The following SUPT20H variants were observed in gnomAD, a reference collection of about 807,000 sequenced individuals.
SUPT20H encodes SPT20 homolog, SAGA complex component, also known as transcription factor SPT20 homolog.
In SUPT20H, 82 loss-of-function variants were observed where a neutral mutation model predicts 122.8. That is an observed-to-expected ratio of 0.67 (90% confidence interval 0.56 to 0.80). The LOEUF (loss-of-function observed/expected upper bound fraction) is 0.80. SUPT20H is among the 30% of genes least tolerant of loss of function. SUPT20H has a pLI of 0.00. For synonymous variants in SUPT20H, 291 were observed against 313.0 expected, an observed-to-expected ratio of 0.93 and a Z score of 0.74; for missense variants, 831 against 921.6, an observed-to-expected ratio of 0.90 and a Z score of 1.27.
intron 5 of SUPT20H, among the ~76,000 whole-genome samples, chr13:37,045,949 T>C (rs1812068672): frequency 2.6e-5 from 4 of 152,230 alleles, no homozygotes; most frequent in Admixed American, 2.0e-4. Flanking sequence ...CAACAGCTCC[T>C]TAAAAACCAC....
At chr13:37,019,165 G>C (rs776824724) in intron 22 of SUPT20H, among the ~76,000 whole-genome samples, 177 bp downstream of exon 22, 1 of 152,140 alleles carries the variant, frequency 6.6e-6, no homozygotes, top group African/African-American at 2.4e-5. Context: ...TGGTATATAG[G>C]ATACTGATTC....
Position 37,047,532 on chromosome 13 carries a change from T to C in SUPT20H, c.165+3A>G, listed in dbSNP as rs1182442549. Reference sequence around the variant, plus strand: ...CTACAACATAATAAAAATGTATACTTACCTTAACTTCAGGTTCTTTTTCAC... The same window carrying C: ...CTACAACATAATAAAAATGTATACTCACCTTAACTTCAGGTTCTTTTTCAC... On this transcript the variant is annotated splice_donor_region_variant and intron_variant, in intron 5 of 25. Transcript: ENST00000350612. 2 of 1,442,694 alleles carry C rather than the reference T, an allele frequency of 1.4e-6. No individual in the cohort carries two copies. The highest frequency in any genetic ancestry group is 2.9e-5 in the African/African-American group (2 of 68,320). 89.4% of individuals were successfully genotyped at this position (1,442,694 alleles called of 1,614,324 possible). A position where few individuals can be genotyped will look rare whatever the true frequency, so the allele number is the denominator to read the frequency against.
intron 22 of SUPT20H, 72 bp from the exon 23 acceptor site, chr13:37,017,436 A>G: frequency 7.0e-7 from 1 of 1,435,488 alleles, no homozygotes; most frequent in Non-Finnish European, 9.3e-7. Context: ...TTATTCTACA[A>G]ATATTTTTGG....
chr13:37,046,638 A>G (rs886302981), intron 5 of SUPT20H, among the ~76,000 whole-genome samples: 1 of 152,160 alleles, frequency 6.6e-6, no homozygotes, highest in Non-Finnish European at 1.5e-5. Flanking sequence ...GAATCTTCAT[A>G]TATGTAGCTC....
intron 1 of SUPT20H, among the ~76,000 whole-genome samples, chr13:37,052,617 C>T (rs901032198): frequency 2.0e-5 from 3 of 152,276 alleles, no homozygotes; most frequent in African/African-American, 7.2e-5. Flanking sequence ...AGGACATAGG[C>T]ATGGGCAAAG....
intron 22 of SUPT20H, 84 bp downstream of exon 22, chr13:37,019,258 A>C (rs1376046087): frequency 6.1e-6 from 6 of 976,720 alleles, no homozygotes; most frequent in Admixed American, 5.2e-5. Flanking sequence ...CAGAATTTCA[A>C]GTGCTGATAC....
Position 37,047,557 on chromosome 13 carries a change from CA to C in SUPT20H, c.142del (p.Cys48ValfsTer10). ...QKLYDLYIEE[C>X]EKEPEVKKLR... ...TACCTTAACTTCAGGTTCTTTTTCA[CA>C]TTCTTCAATATACAAGTCATAAAGT... On this transcript the variant is annotated frameshift_variant, in exon 5 of 26. Transcript: ENST00000350612. LOFTEE classifies it high-confidence loss of function. 1 of 1,440,046 alleles carries C rather than the reference CA, an allele frequency of 6.9e-7. No homozygotes were observed. The highest frequency in any genetic ancestry group is 9.3e-7 in the Non-Finnish European group (1 of 1,079,610). The allele number at this position is 1,440,046 out of a possible 1,614,324, so 89.2% of individuals were successfully genotyped here.
At chr13:37,017,669 C>G (rs980110677) in intron 22 of SUPT20H, among the ~76,000 whole-genome samples, 1 of 152,102 alleles carries the variant, frequency 6.6e-6, no homozygotes, top group African/African-American at 2.4e-5. Flanking sequence ...TTTTATACAT[C>G]AATACAAAAG....
intron 12 of SUPT20H, among the ~76,000 whole-genome samples, chr13:37,031,364 A>C (rs979736447): frequency 3.9e-5 from 6 of 152,170 alleles, no homozygotes; most frequent in African/African-American, 1.4e-4. Flanking sequence ...AATGTGAAAA[A>C]AGAACAATAC....
At chr13:37,058,139 A>C (rs911276024) in intron 1 of SUPT20H, among the ~76,000 whole-genome samples, 1 of 152,108 alleles carries the variant, frequency 6.6e-6, no homozygotes, top group Non-Finnish European at 1.5e-5. Context: ...GTTGGCACAC[A>C]CCTGTAATCC....
At chr13:37,023,470 T>A (rs1367997759) in intron 19 of SUPT20H, 2 of 152,828 alleles carry the variant, frequency 1.3e-5, no homozygotes, top group African/African-American at 4.8e-5. Context: ...TAGTAAAAAT[T>A]ACATTTCAGT....
chr13:37,048,084 C>T, intron 3 of SUPT20H, 148 bp from the exon 4 acceptor site: 1 of 482,580 alleles, frequency 2.1e-6, no homozygotes, highest in Admixed American at 4.0e-5. Flanking sequence ...TACTTAACAT[C>T]TAAAGATAAG....
chr13:37,025,866 T>C (rs1338325371), intron 16 of SUPT20H: 4 of 228,964 alleles, frequency 1.7e-5, no homozygotes, highest in Non-Finnish European at 3.3e-5. Flanking sequence ...CTTAATTCTA[T>C]GAAAAAAAAC....
At position 37,022,833 on chromosome 13, in the gene SUPT20H, C is replaced by CA. The variant is rs1408389252; in HGVS notation, c.1592-754dup. On this transcript the variant is annotated intron_variant, in intron 19 of 25. Transcript: ENST00000350612. This position sits in a 1 kb window ranked among gnomAD's most constrained non-coding sequence, Gnocchi z 4.5. ...AAGTTTATCCTGACAAACAAATTTACAAAAAACAGTAATAAAGCAAATATC... is the reference window on the plus strand; with the variant it reads ...AAGTTTATCCTGACAAACAAATTTACAAAAAAACAGTAATAAAGCAAATATC... 5 of 1,062,584 alleles carry CA rather than the reference C, an allele frequency of 4.7e-6. No individual in the cohort carries two copies. The highest frequency in any genetic ancestry group is 5.8e-6 in the Non-Finnish European group (5 of 869,006). The allele number at this position is 1,062,584 out of a possible 1,614,324, so 65.8% of individuals were successfully genotyped here.
chr13:37,036,990 T>A (rs2064559990), intron 9 of SUPT20H, among the ~76,000 whole-genome samples: 1 of 151,302 alleles, frequency 6.6e-6, no homozygotes, highest in Non-Finnish European at 1.5e-5. Flanking sequence ...AGCTCAGGAG[T>A]TCGAGATCAG....
At chr13:37,020,541 T>C (rs539270716) in intron 21 of SUPT20H, among the ~76,000 whole-genome samples, 23 of 152,276 alleles carry the variant, frequency 1.5e-4, no homozygotes, top group African/African-American at 5.5e-4. Context: ...GTACAACTAG[T>C]AGTTACATGT....
In SUPT20H at chr13:37,040,617, CAGG is replaced by C. The variant is rs769084605; in HGVS notation, c.469_471del (p.Pro157del). On this transcript the variant is annotated inframe_deletion, in exon 8 of 26. Coordinates refer to ENST00000350612, the MANE Select transcript of SUPT20H (RefSeq NM_001014286.3). Reference sequence around the variant, plus strand: ...AAGAGAATGTGCCGACTTTGGTAACCAGGAGATTTCATGTTACTGGACTGCCTG... The same window carrying C: ...AAGAGAATGTGCCGACTTTGGTAACCAGATTTCATGTTACTGGACTGCCTG... The C allele has an allele frequency of 5.0e-6, 8 of 1,613,918 alleles. No individual in the cohort carries two copies. The African/African-American group carries it at 1.1e-4, about 22-fold the overall frequency.
intron 19 of SUPT20H, chr13:37,023,040 A>G: frequency 7.8e-7 from 1 of 1,282,820 alleles, no homozygotes; most frequent in Non-Finnish European, 1.0e-6. Flanking sequence ...TTTAGCTTTC[A>G]TGTCCTGCAG....
At position 37,031,661 on chromosome 13, in the gene SUPT20H, CAA is replaced by C. The variant is rs1285967400; in HGVS notation, c.865-40_865-39del. The C allele has an allele frequency of 1.9e-6, 3 of 1,541,248 alleles. No individual in the cohort carries two copies. The African/African-American group carries it at 4.2e-5, about 22-fold the overall frequency. On this transcript the variant is annotated intron_variant, in intron 11 of 25. Transcript: ENST00000350612. The stretch of plus-strand genomic sequence containing the variant: ...AAACAATATACTGAAAAATTAAAAA[CAA>C]TATAAATATACTGAAAATGCTAAAT...
Sources: gnomAD v4.1 joint callset for allele counts (sites outside exome capture counted in the v4.1 genomes callset) on GRCh38, gnomAD v4.1.1 for gene constraint, Gnocchi (gnomAD v3.1) non-coding constraint, MANE v1.5 for transcripts, NCBI Gene and HGNC (gene_info 2026-07-23, HGNC 2026-07-21) for gene names.